ZNF385D: variants seen among roughly 807,000 people sequenced by gnomAD.
The protein encoded by ZNF385D is zinc finger protein 659.
Under a neutral mutation model 35.8 loss-of-function variants are expected in ZNF385D, and 15 were observed. That is an observed-to-expected ratio of 0.42 (90% CI 0.28 to 0.64). ZNF385D has a LOEUF of 0.64. Among genes scored for constraint, ZNF385D ranks in the 30% least tolerant of loss-of-function variants. The pLI is 0.23. For synonymous variants in ZNF385D, 212 were observed against 186.8 expected (o/e 1.13, Z -1.10); for missense variants, 474 against 494.6 (o/e 0.96, Z 0.39).
At chr3:21,673,135 A>G (rs566916586) in intron 1 of ZNF385D, among the ~76,000 whole-genome samples, 1 of 152,270 alleles carries the variant, frequency 6.6e-6, no homozygotes, top group African/African-American at 2.4e-5. Context: ...TCTTAAAATT[A>G]AATTTCACAC....
intron 4 of ZNF385D, among the ~76,000 whole-genome samples, chr3:21,445,048 G>GAGC (rs1702076741): frequency 6.6e-6 from 1 of 152,174 alleles, no homozygotes. Flanking sequence ...GTCTTGACAC[G>GAGC]AATTGTCCAG....
At chr3:22,222,175 C>G (rs564886940) in intron 2 of ZNF385D, among the ~76,000 whole-genome samples, 1 of 151,910 alleles carries the variant, frequency 6.6e-6, no homozygotes, top group South Asian at 2.1e-4. Flanking sequence ...TGGGGATTCA[C>G]CCTGTTGGCT....
chr3:22,322,448 A>G (rs957383902), intron 2 of ZNF385D, among the ~76,000 whole-genome samples: 1 of 152,206 alleles, frequency 6.6e-6, no homozygotes, highest in African/African-American at 2.4e-5. Context: ...AAGGAGAAAC[A>G]CAGTGAGTCT....
chr3:21,992,427 G>T (rs997283963), intron 3 of ZNF385D, among the ~76,000 whole-genome samples: 1 of 152,080 alleles, frequency 6.6e-6, no homozygotes, highest in South Asian at 2.1e-4. Context: ...TGAGTTAGAA[G>T]CAAAATAGCA....
At chr3:21,789,566 A>C (rs1166482262) in intron 3 of ZNF385D, among the ~76,000 whole-genome samples, 2 of 152,230 alleles carry the variant, frequency 1.3e-5, no homozygotes, top group African/African-American at 2.4e-5. Context: ...AGATTAATAA[A>C]AAGCAAAAAC....
exon 3 of ZNF385D, chr3:22,169,019 G>C: frequency 6.1e-6 from 6 of 985,746 alleles, no homozygotes; most frequent in Non-Finnish European, 7.2e-6. Flanking sequence ...TCTCGCCATC[G>C]TGTACACAGG....
intron 3 of ZNF385D, among the ~76,000 whole-genome samples, chr3:22,049,444 T>C (rs1180030648): frequency 1.3e-5 from 2 of 152,002 alleles, no homozygotes; most frequent in African/African-American, 2.4e-5. Flanking sequence ...TGTGTGCAAA[T>C]AAAAATGAAT....
At chr3:22,189,331 G>C (rs930777711) in intron 2 of ZNF385D, among the ~76,000 whole-genome samples, 2 of 152,132 alleles carry the variant, frequency 1.3e-5, no homozygotes, top group Non-Finnish European at 2.9e-5. Flanking sequence ...CTGAGAAAAT[G>C]TCACTGGAAT....
intron 3 of ZNF385D, among the ~76,000 whole-genome samples, chr3:21,946,898 T>G (rs565203101): frequency 3.9e-5 from 6 of 152,328 alleles, no homozygotes; most frequent in South Asian, 4.1e-4. Context: ...CACAAAAACA[T>G]TTTTAAGAAG....
Position 21,976,380 on chromosome 3 carries a change from T to C in ZNF385D, c.325+192437A>G, listed in dbSNP as rs966906127. ...TGATTAGTATCTTCAAATAAATAAA[T>C]GACCAAGTGGAGAATGATAAGAGGA... On this transcript the variant is annotated intron_variant, in intron 3 of 5. Coordinates refer to the ZNF385D transcript ENST00000494108. Among the ~76,000 whole-genome samples, 7 of 152,112 alleles carry C rather than the reference T, an allele frequency of 4.6e-5. No individual in the cohort carries two copies. In the South Asian group the frequency reaches 1.5e-3, roughly 32 times the overall value.
At chr3:22,254,682 A>G (rs1700225489) in intron 2 of ZNF385D, among the ~76,000 whole-genome samples, 2 of 151,878 alleles carry the variant, frequency 1.3e-5, no homozygotes, top group Non-Finnish European at 2.9e-5. Context: ...TAATTTATAA[A>G]TTGGGCACAG....
intron 4 of ZNF385D, among the ~76,000 whole-genome samples, chr3:21,496,427 T>C: frequency 7.0e-6 from 1 of 143,398 alleles, no homozygotes; most frequent in East Asian, 2.0e-4. Flanking sequence ...ATATATATCA[T>C]ATATACATAT....
At chr3:21,764,245 G>A (rs191385602) in intron 3 of ZNF385D, among the ~76,000 whole-genome samples, 1 of 152,144 alleles carries the variant, frequency 6.6e-6, no homozygotes, top group Non-Finnish European at 1.5e-5. Context: ...AGAGCTAGAA[G>A]ATGCTCAATA....
At chr3:21,586,040 T>TACAC (rs10571982) in intron 2 of ZNF385D, among the ~76,000 whole-genome samples, 1 of 135,890 alleles carries the variant, frequency 7.4e-6, no homozygotes, top group South Asian at 2.3e-4. Context: ...TACAAATACA[T>TACAC]ACACACACAC....
In ZNF385D at chr3:21,441,693, G is replaced by A. The variant is rs1701868456; in HGVS notation, c.440-4490C>T. 4.1e-6 allele frequency: 4 copies of A among 985,212 alleles called. 1 individual carries two copies. The highest frequency in any genetic ancestry group is 4.8e-6 in the Non-Finnish European group (4 of 829,894). The allele number at this position is 985,212 out of a possible 1,614,324, so 61.0% of individuals were successfully genotyped here. ...CTATAGCTCTCAACTAACCTCTTGT[G>A]CAGAATGGTAAGAATAAACCACAGG... On this transcript the variant is annotated intron_variant, in intron 4 of 7. Coordinates refer to ENST00000281523, the MANE Select transcript of ZNF385D (RefSeq NM_024697.3).
intron 1 of ZNF385D, among the ~76,000 whole-genome samples, chr3:21,708,977 G>A (rs182460627): frequency 4.6e-5 from 7 of 152,062 alleles, no homozygotes; most frequent in East Asian, 1.9e-4. Flanking sequence ...GGTTTGTTTC[G>A]AAAGCTTCCA....
chr3:22,005,392 A>G (rs1004340225), intron 3 of ZNF385D, among the ~76,000 whole-genome samples: 2 of 152,096 alleles, frequency 1.3e-5, no homozygotes, highest in African/African-American at 4.8e-5. Context: ...TTCTCAAAAA[A>G]CTAAAAATAG....
In ZNF385D at chr3:21,945,051, A is replaced by G. The variant is rs1575977238; in HGVS notation, c.325+223766T>C. Among the ~76,000 whole-genome samples the G allele has an allele frequency of 2.6e-5, 4 of 152,110 alleles. No individual in the cohort carries two copies. The South Asian group carries it at 8.3e-4, about 31-fold the overall frequency. ...AGTCTCTTAGAAAATATACATCATA[A>G]TATTTGTCAAATACTAAATGCGTAT... On this transcript the variant is annotated intron_variant, in intron 3 of 5. Transcript: ENST00000494108.
In ZNF385D at chr3:21,771,502, C is replaced by T. The variant is rs114654861; in HGVS notation, c.326-106474G>A. Among the ~76,000 whole-genome samples the T allele has an allele frequency of 4.3e-3, 659 of 151,682 alleles. 5 individuals carry two copies. Among genetic ancestry groups the T allele is most frequent in the African/African-American group, 0.015 (626 of 41,418 alleles). ...CATTCAAAAGGAAAAAATAAGTCAACAGAAATTGTTCCTAAAAAAGACTTG... is the reference window on the plus strand; with the variant it reads ...CATTCAAAAGGAAAAAATAAGTCAATAGAAATTGTTCCTAAAAAAGACTTG... On this transcript the variant is annotated intron_variant, in intron 3 of 5. Coordinates refer to the ZNF385D transcript ENST00000494108.
Sources: allele counts gnomAD v4.1 joint callset (sites outside exome capture counted in the v4.1 genomes callset), GRCh38; gene constraint gnomAD v4.1.1; transcripts MANE v1.5; gene names NCBI Gene and HGNC (gene_info 2026-07-23, HGNC 2026-07-21).